MUSK: variants seen among roughly 807,000 people sequenced by gnomAD.
MUSK encodes the protein muscle associated receptor tyrosine kinase.
Under a neutral mutation model 88.7 loss-of-function variants are expected in MUSK, and 55 were observed. That is an observed-to-expected ratio of 0.62 (90% CI 0.50 to 0.78). MUSK has a LOEUF of 0.78. MUSK is among the 30% of genes least tolerant of loss of function. The pLI is 0.00. For synonymous variants in MUSK, 387 were observed against 391.9 expected (o/e 0.99, Z 0.15); for missense variants, 1,015 against 1,074.3 (o/e 0.94, Z 0.77).
Position 110,668,936 on chromosome 9 carries a change from A to G in MUSK, c.32A>G (p.His11Arg), listed in dbSNP as rs2075922938. 2.5e-6 allele frequency: 4 copies of G among 1,613,850 alleles called. No individual in the cohort carries two copies. The highest frequency in any genetic ancestry group is 3.4e-6 in the Non-Finnish European group (4 of 1,179,752). ...GAGCTCGTCAACATTCCACTGGTACATATTCTTACTCTGGTTGCCTTCAGC... is the reference window on the plus strand; with the variant it reads ...GAGCTCGTCAACATTCCACTGGTACGTATTCTTACTCTGGTTGCCTTCAGC... MRELVNIPLV[H>R]ILTLVAFSGT... The change falls in exon 1 of 15, where the codon CAT becomes CGT. Residue 11 changes from histidine (H) to arginine (R), a missense_variant. His to Arg is a conservative substitution (Grantham distance 29, BLOSUM62 0). Coordinates refer to ENST00000374448, the MANE Select transcript of MUSK (RefSeq NM_005592.4).
In MUSK at chr9:110,726,928, A is replaced by T. The variant is rs185938167; in HGVS notation, c.629-7323A>T. On this transcript the variant is annotated intron_variant, in intron 5 of 14. Coordinates refer to ENST00000374448, the MANE Select transcript of MUSK (RefSeq NM_005592.4). ...ATTGAGGTATGTGATACAGACAGGGAATCTGCAGTTTCCTAATGTCCAGAT... is the reference window on the plus strand; with the variant it reads ...ATTGAGGTATGTGATACAGACAGGGTATCTGCAGTTTCCTAATGTCCAGAT... Among the ~76,000 whole-genome samples the T allele has an allele frequency of 2.0e-5, 3 of 152,184 alleles. No individual in the cohort carries two copies. The East Asian group carries it at 5.8e-4, about 30-fold the overall frequency.
chr9:110,721,076 GA>G (rs766215676), intron 5 of MUSK, among the ~76,000 whole-genome samples: 1 of 152,030 alleles, frequency 6.6e-6, no homozygotes. Context: ...AATCAGCATA[GA>G]AAAGACATAC....
At chr9:110,673,235 G>C (rs978255291) in intron 1 of MUSK, among the ~76,000 whole-genome samples, 4 of 152,144 alleles carry the variant, frequency 2.6e-5, no homozygotes, top group Admixed American at 2.6e-4. Context: ...TAATCAGTAT[G>C]ATCTTGAAGA....
At chr9:110,698,212 C>A (rs1043128395) in intron 5 of MUSK, among the ~76,000 whole-genome samples, 3 of 152,124 alleles carry the variant, frequency 2.0e-5, no homozygotes, top group Non-Finnish European at 4.4e-5. Flanking sequence ...CTGTTGTATG[C>A]CAGAGAATTA....
rs1429415162 is a variant in MUSK, at chr9:110,690,095, A to G, written c.358+2827A>G. Among the ~76,000 whole-genome samples, 20 of 82,420 alleles carry G rather than the reference A, an allele frequency of 2.4e-4. No individual in the cohort carries two copies. In the South Asian group the frequency reaches 3.5e-3, roughly 14 times the overall value. 54.1% of individuals were successfully genotyped at this position (82,420 alleles called of 152,430 possible). On this transcript the variant is annotated intron_variant, in intron 3 of 14. Coordinates refer to ENST00000374448, the MANE Select transcript of MUSK (RefSeq NM_005592.4). ...GTATAAATATATAAATATATATTAT[A>G]TAAGTATAAATATAGAAATATATAT...
chr9:110,757,383 T>G (rs1457390003), intron 7 of MUSK, among the ~76,000 whole-genome samples: 3 of 150,362 alleles, frequency 2.0e-5, no homozygotes, highest in Non-Finnish European at 4.4e-5. Flanking sequence ...CGCTTGAACC[T>G]GGGAGGCAAA....
At chr9:110,685,012 G>A (rs75276203) in intron 2 of MUSK, among the ~76,000 whole-genome samples, 4,368 of 152,158 alleles carry the variant, frequency 0.029, 230 homozygotes, top group African/African-American at 0.1. Context: ...TGAATTAACA[G>A]TGGTGACAGT....
intron 8 of MUSK, among the ~76,000 whole-genome samples, chr9:110,764,645 A>AGATAGATAGATC (rs1395146613): frequency 1.3e-5 from 2 of 152,082 alleles, no homozygotes; most frequent in African/African-American, 4.8e-5. Context: ...ATAGGTAGGT[A>AGATAGATAGATC]GATCATCGGT....
At position 110,785,729 on chromosome 9, in the gene MUSK, C is replaced by A; in HGVS notation, c.1778+11C>A. 2 of 1,568,348 alleles carry A rather than the reference C, an allele frequency of 1.3e-6. No homozygotes were observed. Among genetic ancestry groups the A allele is most frequent in the African/African-American group, 1.4e-5 (1 of 72,844 alleles). ...GGTGTTTCAAGCAAGGTAAAGTTAC[C>A]TATGGAAAAAAAAACTCCATTGAAA... On this transcript the variant is annotated intron_variant, in intron 13 of 14. Coordinates refer to ENST00000374448, the MANE Select transcript of MUSK (RefSeq NM_005592.4).
chr9:110,739,390 G>A (rs68097865), intron 6 of MUSK, among the ~76,000 whole-genome samples: 1 of 151,998 alleles, frequency 6.6e-6, no homozygotes, highest in Non-Finnish European at 1.5e-5. Context: ...CCCTAACCTT[G>A]GTGTCCAGAG....
intron 2 of MUSK, among the ~76,000 whole-genome samples, chr9:110,685,645 T>C (rs769634808): frequency 2.6e-5 from 4 of 152,150 alleles, no homozygotes; most frequent in Non-Finnish European, 5.9e-5. Context: ...CCCAGTAGCA[T>C]GCTCCTCATT....
intron 11 of MUSK, among the ~76,000 whole-genome samples, chr9:110,783,558 C>T (rs1181265859): frequency 1.3e-5 from 2 of 151,792 alleles, no homozygotes; most frequent in Admixed American, 6.6e-5. Context: ...TTCTAATTTT[C>T]TGTTTGTACC....
rs2076418635 is a variant in MUSK at position 110,695,424 on chromosome 9, C to T, written c.380C>T (p.Pro127Leu). 6.6e-7 allele frequency: 1 copy of T among 1,524,770 alleles called. No individual in the cohort carries two copies. Among genetic ancestry groups the T allele is most frequent in the Non-Finnish European group, 8.9e-7 (1 of 1,123,468 alleles). The allele number at this position is 1,524,770 out of a possible 1,614,324, so 94.5% of individuals were successfully genotyped here. A position where few individuals can be genotyped will look rare whatever the true frequency, so the allele number is the denominator to read the frequency against. Reference protein sequence around the residue: ...VKMKPKITRPPINVKIIEGLK... With the variant: ...VKMKPKITRPLINVKIIEGLK... ...TTAGAACCTAAAATAACTCGTCCTC[C>T]CATAAATGTGAAAATAATAGAGGGA... The change falls in exon 4 of 15, where the codon CCC (proline) becomes CTC (leucine). Residue 127 changes from proline (P) to leucine (L), a missense_variant. Pro to Leu is a moderately conservative substitution (Grantham distance 98). Transcript: ENST00000374448.
intron 7 of MUSK, among the ~76,000 whole-genome samples, chr9:110,759,056 G>A (rs2077363561): frequency 1.3e-5 from 2 of 152,142 alleles, no homozygotes; most frequent in South Asian, 4.1e-4. Context: ...AAAGCTGGAG[G>A]AATCATGCTA....
intron 5 of MUSK, among the ~76,000 whole-genome samples, chr9:110,700,888 G>A (rs1047251427): frequency 2.6e-5 from 4 of 152,166 alleles, no homozygotes; most frequent in African/African-American, 9.7e-5. Context: ...ACTTTCAGAA[G>A]TATCCAAGCT....
chr9:110,764,025 C>A (rs1369972772), intron 8 of MUSK, among the ~76,000 whole-genome samples: 1 of 152,064 alleles, frequency 6.6e-6, no homozygotes, highest in Non-Finnish European at 1.5e-5. Context: ...ATTGCCTCTA[C>A]AAGAAAGGGA....
chr9:110,806,245 A>G lies in MUSK; in HGVS notation c.*5257A>G, dbSNP rs1318608375. 6.6e-6 allele frequency among the ~76,000 whole-genome samples: 1 copy of G among 152,140 alleles called. No individual in the cohort carries two copies. The highest frequency in any genetic ancestry group is 2.4e-5 in the African/African-American group (1 of 41,444). ...AAACTCCCTTTCTTTTTCCTGAGAT[A>G]TGTTAACTTCTAATGTTATATTGTT... On this transcript the variant is annotated 3_prime_UTR_variant, in exon 15 of 15. Coordinates refer to ENST00000374448, the MANE Select transcript of MUSK (RefSeq NM_005592.4).
chr9:110,689,967 T>A (rs1399148910), intron 3 of MUSK, among the ~76,000 whole-genome samples: 7 of 72,918 alleles, frequency 9.6e-5, no homozygotes, highest in Admixed American at 4.6e-4. Context: ...TATATATTTA[T>A]ATATTATATT....
Position 110,681,029 on chromosome 9 carries a change from TTATATATTATATA to T in MUSK, c.80-1644_80-1632del, listed in dbSNP as rs1564209370. Among the ~76,000 whole-genome samples the T allele has an allele frequency of 2.3e-3, 25 of 10,830 alleles. 2 individuals are homozygous for T. Among genetic ancestry groups the T allele is most frequent in the African/African-American group, 0.017 (22 of 1,266 alleles). 7.1% of individuals were successfully genotyped at this position (10,830 alleles called of 152,430 possible). ...TATTATATATAATATATATTATATA[TTATATATTATATA>T]ATATATATTATATATTATATATATA... On this transcript the variant is annotated intron_variant, in intron 1 of 14. Transcript: ENST00000374448.
Sources: gnomAD v4.1 joint callset for allele counts (sites outside exome capture counted in the v4.1 genomes callset) on GRCh38, gnomAD v4.1.1 for gene constraint, MANE v1.5 for transcripts, NCBI Gene and HGNC (gene_info 2026-07-23, HGNC 2026-07-21) for gene names.